Variants in WBP2NL observed in about 807,000 individuals in gnomAD.
WBP2NL encodes postacrosomal sheath WW domain-binding protein.
In WBP2NL, 27 loss-of-function variants were observed where a neutral mutation model predicts 23.3. The ratio of observed to expected loss-of-function variants is 1.16; its 90% confidence interval spans 0.85 to 1.60. The LOEUF (loss-of-function observed/expected upper bound fraction) is 1.60, where lower values mean the gene tolerates loss of function less well. Ranked by LOEUF, WBP2NL falls within the 40% of genes most tolerant of loss-of-function variation. The pLI, the probability that WBP2NL is intolerant of heterozygous loss-of-function variation, is 0.00. For synonymous variants in WBP2NL, 151 were observed against 145.9 expected (o/e 1.03, Z -0.25); for missense variants, 370 against 389.5 (o/e 0.95, Z 0.42).
intron 8 of WBP2NL, among the ~76,000 whole-genome samples, chr22:42,047,268 T>TAAAAAAA (rs1569454673): frequency 2.8e-5 from 1 of 36,220 alleles, no homozygotes; most frequent in Admixed American, 3.8e-4. Flanking sequence ...ATTTTCAAGC[T>TAAAAAAA]CAAAAAAAAA....
downstream of WBP2NL, chr22:42,031,799 G>A (rs1410957289): frequency 2.0e-5 from 3 of 151,866 alleles, no homozygotes; most frequent in East Asian, 1.9e-4. Flanking sequence ...AGGTTTAAGC[G>A]ATTCTCCTGC....
intron 1 of WBP2NL, among the ~76,000 whole-genome samples, chr22:42,000,371 T>A (rs1921510749): frequency 6.6e-6 from 1 of 152,234 alleles, no homozygotes; most frequent in African/African-American, 2.4e-5. Flanking sequence ...CCGTGAGCAC[T>A]TACTGAGAGC....
chr22:42,023,820 A>C (rs1331075961), intron 5 of WBP2NL, among the ~76,000 whole-genome samples: 1 of 151,934 alleles, frequency 6.6e-6, no homozygotes, highest in Non-Finnish European at 1.5e-5. Flanking sequence ...TTTTAAAAAA[A>C]TTTTGTAGAT....
chr22:42,001,512 C>A, intron 1 of WBP2NL: 1 of 993,162 alleles, frequency 1.0e-6, no homozygotes, highest in South Asian at 1.3e-5. Flanking sequence ...CCTCGCAATT[C>A]CCTTTCAGCT....
At chr22:42,015,019 T>C (rs1441928428) in intron 1 of WBP2NL, among the ~76,000 whole-genome samples, 1 of 152,240 alleles carries the variant, frequency 6.6e-6, no homozygotes, top group East Asian at 1.9e-4. Flanking sequence ...TCCCATACTT[T>C]CTTGTTCCTT....
chr22:42,037,320 C>T (rs1925221288), downstream of WBP2NL, among the ~76,000 whole-genome samples: 1 of 152,042 alleles, frequency 6.6e-6, no homozygotes, highest in Non-Finnish European at 1.5e-5. Context: ...TGTTTTTATG[C>T]CAGCACCATA....
rs187506826 is a variant in WBP2NL at position 41,998,891 on chromosome 22, G to A, written c.62+11G>A. ...CCCTAACGGTGAAAGGTGCCTGAGGGGAAGCACGGCGTGCTGTCGGAGGAG... is the reference window on the plus strand; with the variant it reads ...CCCTAACGGTGAAAGGTGCCTGAGGAGAAGCACGGCGTGCTGTCGGAGGAG... On this transcript the variant is annotated intron_variant, in intron 1 of 5. Transcript: ENST00000328823. 82 of 1,606,444 alleles carry A rather than the reference G, an allele frequency of 5.1e-5. No individual in the cohort carries two copies. The Middle Eastern group carries it at 8.3e-4, about 16-fold the overall frequency.
intron 8 of WBP2NL, among the ~76,000 whole-genome samples, chr22:42,039,120 G>A (rs1420424303): frequency 1.3e-5 from 2 of 151,274 alleles, no homozygotes; most frequent in Non-Finnish European, 1.5e-5. Context: ...TGCCCAGGGT[G>A]GAGTGCAGTG....
intron 2 of WBP2NL, 61 bp from the exon 3 acceptor site, chr22:42,019,601 G>A: frequency 6.2e-7 from 1 of 1,604,632 alleles, no homozygotes; most frequent in South Asian, 1.1e-5. Flanking sequence ...CCTTGCTCTT[G>A]TAAGTCTCAA....
intron 1 of WBP2NL, among the ~76,000 whole-genome samples, chr22:42,015,531 T>C (rs1298814772): frequency 1.3e-5 from 2 of 151,982 alleles, no homozygotes; most frequent in Non-Finnish European, 1.5e-5. Context: ...GCCTCCTGAG[T>C]AGCTGGGATT....
In WBP2NL at chr22:41,998,911, G is replaced by T. The variant is rs1280441452; in HGVS notation, c.62+31G>T. On this transcript the variant is annotated intron_variant, in intron 1 of 5. Coordinates refer to ENST00000328823, the MANE Select transcript of WBP2NL (RefSeq NM_152613.3). The stretch of plus-strand genomic sequence containing the variant: ...TGAGGGGAAGCACGGCGTGCTGTCG[G>T]AGGAGAGGAGACGAATGAGATAGAC... 2.5e-6 allele frequency: 4 copies of T among 1,595,334 alleles called. No homozygotes were observed. In the South Asian group the frequency reaches 3.3e-5, roughly 13 times the overall value.
Position 42,019,960 on chromosome 22 carries a change from G to C in WBP2NL, c.314-44G>C, listed in dbSNP as rs945649616. ...GTTTGTGGCAGTCTTTCTGTTGTCA[G>C]CTATGCCAGTTTCTTGGTGAGTGTG... is the stretch of plus-strand genomic sequence containing the variant. On this transcript the variant is annotated intron_variant, in intron 3 of 5. Transcript: ENST00000328823. The C allele has an allele frequency of 3.1e-6, 5 of 1,604,090 alleles. No homozygotes were observed. In the African/African-American group the frequency reaches 6.7e-5, roughly 21 times the overall value.
chr22:42,017,596 TTTCA>T (rs759411896), intron 1 of WBP2NL, among the ~76,000 whole-genome samples: 15 of 152,238 alleles, frequency 9.9e-5, no homozygotes, highest in Non-Finnish European at 1.9e-4. Context: ...GTATTCATGC[TTTCA>T]TTCATTCTTT....
Position 42,019,717 on chromosome 22 carries a change from C to G in WBP2NL, c.227C>G (p.Pro76Arg). The G allele has an allele frequency of 6.2e-7, 1 of 1,614,124 alleles. No individual in the cohort carries two copies. The highest frequency in any genetic ancestry group is 8.5e-7 in the Non-Finnish European group (1 of 1,180,032). ...GATCCCATGTTGTCTTTTATGATGC[C>G]ATTTGATCTGATGACGAACCTCACT... ...ISDPMLSFMMPFDLMTNLTVE... is the reference protein window; with the variant it reads ...ISDPMLSFMMRFDLMTNLTVE... Residue 76 changes from proline (P) to arginine (R), a missense_variant, in exon 3 of 6, where the codon CCA becomes CGA. Coordinates refer to ENST00000328823, the MANE Select transcript of WBP2NL (RefSeq NM_152613.3).
chr22:42,034,850 T>C (rs1296740015), downstream of WBP2NL, among the ~76,000 whole-genome samples: 3 of 152,238 alleles, frequency 2.0e-5, no homozygotes, highest in African/African-American at 7.2e-5. Context: ...TCTGCCCGGC[T>C]CACCGGTGGT....
At chr22:42,007,240 T>G (rs1905895787) in intron 1 of WBP2NL, among the ~76,000 whole-genome samples, 1 of 152,262 alleles carries the variant, frequency 6.6e-6, no homozygotes, top group African/African-American at 2.4e-5. Flanking sequence ...TTGTTTGTGG[T>G]TTTTTTGGTC....
At chr22:42,037,169 T>C (rs952045882), downstream of WBP2NL, among the ~76,000 whole-genome samples, 1 of 150,960 alleles carries the variant, frequency 6.6e-6, no homozygotes, top group Non-Finnish European at 1.5e-5. Flanking sequence ...TGTGTGTAGA[T>C]ACCCAGTTTT....
intron 8 of WBP2NL, among the ~76,000 whole-genome samples, chr22:42,038,161 GT>G (rs1925260743): frequency 6.6e-6 from 1 of 152,100 alleles, no homozygotes; most frequent in African/African-American, 2.4e-5. Context: ...TTCCATACTT[GT>G]TTTGTTGAGT....
At chr22:42,018,125 G>A (rs1441787804) in intron 1 of WBP2NL, among the ~76,000 whole-genome samples, 1 of 149,592 alleles carries the variant, frequency 6.7e-6, no homozygotes, top group African/African-American at 2.5e-5. Flanking sequence ...CTCAAACCTG[G>A]GGGACAAGAG....
Sources: allele counts gnomAD v4.1 joint callset (sites outside exome capture counted in the v4.1 genomes callset), GRCh38; gene constraint gnomAD v4.1.1; transcripts MANE v1.5; gene names NCBI Gene and HGNC (gene_info 2026-07-23, HGNC 2026-07-21).